SEL1L3: variants seen among roughly 807,000 people sequenced by gnomAD.
SEL1L3 encodes SEL1L family member 3.
A neutral mutation model predicts 142.8 loss-of-function variants in SEL1L3; 76 were observed. That is an observed-to-expected ratio of 0.53 (90% CI 0.44 to 0.64). The LOEUF is 0.64. Ranked by LOEUF, SEL1L3 falls within the 30% of genes least tolerant of loss-of-function variation. The pLI, the probability that SEL1L3 is intolerant of heterozygous loss-of-function variation, is 0.00. For missense variants in SEL1L3, 1,262 were observed against 1,381.7 expected, an observed-to-expected ratio of 0.91 and a Z score of 1.37; for synonymous variants, 504 against 519.6, an observed-to-expected ratio of 0.97 and a Z score of 0.41.
At chr4:25,787,166 G>A (rs1711906006) in intron 13 of SEL1L3, among the ~76,000 whole-genome samples, 1 of 152,302 alleles carries the variant, frequency 6.6e-6, no homozygotes, top group African/African-American at 2.4e-5. Flanking sequence ...GGGTGACCTT[G>A]GGCAAATTAC....
chr4:25,718,765 T>C, the SEL1L3 span: 2 of 152,216 alleles, frequency 1.3e-5, no homozygotes, highest in East Asian at 1.9e-4. Flanking sequence ...AGCTTCTATA[T>C]GAGCTTTGAG....
chr4:25,807,625 G>A (rs1341999194), intron 9 of SEL1L3, among the ~76,000 whole-genome samples: 1 of 152,066 alleles, frequency 6.6e-6, no homozygotes, highest in Admixed American at 6.6e-5. Flanking sequence ...GCCTAACTAA[G>A]ATGATGAATT....
chr4:25,727,336 G>A, the SEL1L3 span, among the ~76,000 whole-genome samples: 7 of 152,258 alleles, frequency 4.6e-5, no homozygotes, highest in Admixed American at 2.6e-4. Flanking sequence ...ACAGGCATGA[G>A]CCACCATGCC....
intron 17 of SEL1L3, among the ~76,000 whole-genome samples, chr4:25,769,815 C>T (rs1413806275): frequency 6.6e-6 from 1 of 152,150 alleles, no homozygotes; most frequent in Non-Finnish European, 1.5e-5. Flanking sequence ...CTCGTGTTTA[C>T]TAAAATGTAA....
chr4:25,725,605 C>A, the SEL1L3 span, among the ~76,000 whole-genome samples: 4,620 of 152,150 alleles, frequency 0.03, 245 homozygotes, highest in African/African-American at 0.1. Context: ...TGAGCTACTG[C>A]GCCCGGCCCT....
intron 1 of SEL1L3, among the ~76,000 whole-genome samples, chr4:25,858,063 G>T (rs1717387667): frequency 6.6e-6 from 1 of 152,246 alleles, no homozygotes; most frequent in Non-Finnish European, 1.5e-5. Context: ...TTTCTCAGGG[G>T]AATGGCATGA....
At chr4:25,797,197 A>AG (rs1712828897) in intron 11 of SEL1L3, among the ~76,000 whole-genome samples, 2 of 151,582 alleles carry the variant, frequency 1.3e-5, no homozygotes, top group African/African-American at 4.9e-5. Flanking sequence ...GAAGACCAAA[A>AG]AAAAAAAACC....
rs150781760 is a variant in SEL1L3, at chr4:25,779,040, C to T, written c.2585+36G>A. The T allele has an allele frequency of 1.7e-3, 2,738 of 1,608,334 alleles. 2 individuals are homozygous for T. The highest frequency in any genetic ancestry group is 4.5e-3 in the Middle Eastern group (27 of 6,034). Reference sequence around the variant, plus strand: ...CAGGCACAGAGAATATAGGATATGGCTTTCCCTTCAAATGCAACGTTTGAC... The same window carrying T: ...CAGGCACAGAGAATATAGGATATGGTTTTCCCTTCAAATGCAACGTTTGAC... On this transcript the variant is annotated intron_variant, in intron 16 of 23. Coordinates refer to ENST00000399878, the MANE Select transcript of SEL1L3 (RefSeq NM_015187.5).
intron 1 of SEL1L3, among the ~76,000 whole-genome samples, chr4:25,849,561 C>A (rs1716752291): frequency 6.6e-6 from 1 of 152,014 alleles, no homozygotes; most frequent in Non-Finnish European, 1.5e-5. Flanking sequence ...TTTAATGGGT[C>A]CAGAGTTTCA....
intron 6 of SEL1L3, among the ~76,000 whole-genome samples, chr4:25,825,620 A>T (rs1389538069): frequency 6.6e-6 from 1 of 151,734 alleles, no homozygotes; most frequent in Non-Finnish European, 1.5e-5. Flanking sequence ...CCCACAGAGT[A>T]ACCATCATCT....
chr4:25,748,392 C>T lies in SEL1L3; in HGVS notation c.*33G>A, dbSNP rs1420351873. On this transcript the variant is annotated 3_prime_UTR_variant, in exon 24 of 24. Transcript: ENST00000399878. ...CCCAATACCAGCTGTTGAAAAGATT[C>T]TCTCTCATCTGGAGAGAACTGGAGT... 6.3e-7 allele frequency: 1 copy of T among 1,578,110 alleles called. No homozygotes were observed. The highest frequency in any genetic ancestry group is 2.3e-5 in the East Asian group (1 of 43,438).
Position 25,802,398 on chromosome 4 carries a change from T to A in SEL1L3, c.1841A>T (p.Tyr614Phe). 2.5e-6 allele frequency: 4 copies of A among 1,613,882 alleles called. No homozygotes were observed. The highest frequency in any genetic ancestry group is 3.4e-6 in the Non-Finnish European group (4 of 1,179,834). ...GTTGTCAATACCCTGGTAGTGTTTATACCCAAGATTCATTGAAGACAGCCT... is the reference window on the plus strand; with the variant it reads ...GTTGTCAATACCCTGGTAGTGTTTAAACCCAAGATTCATTGAAGACAGCCT... ...SERLSSMNLGYKHYQGIDNYP... is the reference protein window; with the variant it reads ...SERLSSMNLGFKHYQGIDNYP... The change falls in exon 11 of 24, where the codon TAT becomes TTT. Residue 614 changes from tyrosine to phenylalanine, a missense_variant. Transcript: ENST00000399878.
At chr4:25,863,502 C>G (rs1345897006), upstream of SEL1L3, 2 of 702,628 alleles carry the variant, frequency 2.8e-6, no homozygotes, top group East Asian at 5.4e-5. Flanking sequence ...CTTTTTTGGC[C>G]GGGGCGCCAT....
chr4:25,743,624 A>G (rs1717178623), downstream of SEL1L3, among the ~76,000 whole-genome samples: 1 of 152,196 alleles, frequency 6.6e-6, no homozygotes, highest in African/African-American at 2.4e-5. Context: ...CTTCCAGGTC[A>G]CAGATAGGCG....
At chr4:25,850,614 CA>C (rs1273340574) in intron 1 of SEL1L3, among the ~76,000 whole-genome samples, 5 of 152,252 alleles carry the variant, frequency 3.3e-5, no homozygotes, top group African/African-American at 9.6e-5. Context: ...GAAAGTTGTG[CA>C]AAATGATGTT....
chr4:25,762,984 A>AAG (rs1187771469), intron 20 of SEL1L3, among the ~76,000 whole-genome samples: 1 of 151,990 alleles, frequency 6.6e-6, no homozygotes, highest in East Asian at 1.9e-4. Context: ...CAAAAAAAAA[A>AAG]AAAAAAAGTG....
chr4:25,765,134 A>G (rs1718625786), intron 20 of SEL1L3, among the ~76,000 whole-genome samples, 192 bp downstream of exon 20: 1 of 152,142 alleles, frequency 6.6e-6, no homozygotes, highest in African/African-American at 2.4e-5. Context: ...AGCTGGGACT[A>G]CAGGCGAGCA....
In SEL1L3 at chr4:25,788,290, G is replaced by A. The variant is rs374120533; in HGVS notation, c.2151C>T (p.Tyr717=). Residue 717 remains tyrosine (Y), a synonymous_variant, in exon 13 of 24, where the codon TAC becomes TAT. Coordinates refer to ENST00000399878, the MANE Select transcript of SEL1L3 (RefSeq NM_015187.5). The surrounding 1 kb of genome is among the most constrained non-coding windows in gnomAD (Gnocchi z 5.3). ...AKNPEAAIEW[Y]AKGALETEDP... is the part of the protein sequence containing the mutation. ...CCTCCGTCTCCAGGGCGCCCTTGGC[G>A]TACCACTCAATTGCTGCTTCGGGAT... 712 of 1,613,750 alleles carry A rather than the reference G, an allele frequency of 4.4e-4. 1 individual carries two copies. Among genetic ancestry groups the A allele is most frequent in the Admixed American group, 5.8e-4 (35 of 59,992 alleles).
chr4:25,834,676 C>G (rs947011097), intron 3 of SEL1L3, among the ~76,000 whole-genome samples: 1 of 152,210 alleles, frequency 6.6e-6, no homozygotes, highest in African/African-American at 2.4e-5. Context: ...GATCTTTCTA[C>G]AGCCAGCAGC....
Sources: allele counts gnomAD v4.1 joint callset (sites outside exome capture counted in the v4.1 genomes callset), GRCh38; gene constraint gnomAD v4.1.1; non-coding constraint Gnocchi (gnomAD v3.1); transcripts MANE v1.5; gene names NCBI Gene and HGNC (gene_info 2026-07-23, HGNC 2026-07-21).